Variants in ELMO1 observed in about 807,000 individuals in gnomAD.
ELMO1 encodes engulfment and cell motility protein 1.
In ELMO1, 26 loss-of-function variants were observed where a neutral mutation model predicts 98.9. The observed-to-expected ratio is 0.26, with a 90% CI of 0.19 to 0.36. The LOEUF (loss-of-function observed/expected upper bound fraction) is 0.36. ELMO1 is among the 10% of genes least tolerant of loss of function. The probability of loss-of-function intolerance (pLI) is 1.00; values close to 1 mark genes in which losing one functional copy is unlikely to be tolerated. For synonymous variants in ELMO1, 346 were observed against 346.0 expected (o/e 1.00, Z 0.00); for missense variants, 627 against 935.2 (o/e 0.67, Z 4.30).
intron 1 of ELMO1, among the ~76,000 whole-genome samples, chr7:37,427,494 A>T (rs1804757457): frequency 6.6e-6 from 1 of 152,204 alleles, no homozygotes; most frequent in Non-Finnish European, 1.5e-5. Flanking sequence ...AGATGCCACC[A>T]AAACCAACAC....
intron 16 of ELMO1, among the ~76,000 whole-genome samples, chr7:36,947,730 G>T (rs951052223): frequency 6.6e-6 from 1 of 152,042 alleles, no homozygotes; most frequent in Non-Finnish European, 1.5e-5. Context: ...CTCACCTGCT[G>T]CATTTCTTGC....
chr7:36,883,542 T>C (rs1465437726), intron 18 of ELMO1, among the ~76,000 whole-genome samples: 2 of 152,162 alleles, frequency 1.3e-5, no homozygotes, highest in Non-Finnish European at 1.5e-5. Flanking sequence ...CCCTTGGTAC[T>C]GTATAGTGAT....
At chr7:37,418,033 T>C (rs1269367997) in intron 1 of ELMO1, among the ~76,000 whole-genome samples, 1 of 152,120 alleles carries the variant, frequency 6.6e-6, no homozygotes, top group Non-Finnish European at 1.5e-5. Flanking sequence ...TGCTAGTTTC[T>C]AGAGCTGTGA....
intron 1 of ELMO1, among the ~76,000 whole-genome samples, chr7:37,433,740 C>A (rs1356842274): frequency 6.6e-6 from 1 of 152,126 alleles, no homozygotes; most frequent in African/African-American, 2.4e-5. Context: ...AAAACGAATT[C>A]TCCTGGTGTC....
chr7:37,128,904 A>G (rs187473068), intron 14 of ELMO1, among the ~76,000 whole-genome samples: 33 of 152,258 alleles, frequency 2.2e-4, no homozygotes, highest in Admixed American at 2.0e-3. Flanking sequence ...AATACATTTA[A>G]GGCTGTACAA....
chr7:36,996,221 T>C (rs912799431), intron 16 of ELMO1, among the ~76,000 whole-genome samples: 6 of 152,250 alleles, frequency 3.9e-5, no homozygotes, highest in African/African-American at 9.6e-5. Context: ...TCACTCTTTT[T>C]CCTGTCATAG....
chr7:37,297,969 T>C (rs1158466289), intron 4 of ELMO1, among the ~76,000 whole-genome samples: 2 of 152,182 alleles, frequency 1.3e-5, no homozygotes, highest in African/African-American at 4.8e-5. Context: ...TAGAATGCCA[T>C]TGGTTTTCTC....
chr7:36,976,397 C>T (rs1790552324), intron 16 of ELMO1, among the ~76,000 whole-genome samples: 2 of 152,310 alleles, frequency 1.3e-5, no homozygotes, highest in Middle Eastern at 3.4e-3. Context: ...AAAATACTTC[C>T]TGTGAACAGA....
intron 13 of ELMO1, among the ~76,000 whole-genome samples, chr7:37,166,038 G>T (rs11486843): frequency 6.6e-6 from 1 of 151,990 alleles, no homozygotes; most frequent in African/African-American, 2.4e-5. Flanking sequence ...TCTATTCAGA[G>T]ATTCAACTTC....
At chr7:37,228,853 G>T (rs558419786) in intron 8 of ELMO1, among the ~76,000 whole-genome samples, 1 of 152,040 alleles carries the variant, frequency 6.6e-6, no homozygotes, top group Non-Finnish European at 1.5e-5. Flanking sequence ...TTAGCCAGGC[G>T]TGGTGGTGGG....
At chr7:37,223,316 G>T (rs557493518) in intron 9 of ELMO1, among the ~76,000 whole-genome samples, 16 of 152,314 alleles carry the variant, frequency 1.1e-4, no homozygotes, top group African/African-American at 3.6e-4. Context: ...AACAAAGAGT[G>T]ACTTATGAGC....
chr7:37,306,534 A>T (rs760091455), intron 4 of ELMO1, among the ~76,000 whole-genome samples: 16 of 152,298 alleles, frequency 1.1e-4, no homozygotes, highest in Middle Eastern at 6.8e-3. Flanking sequence ...ATGCAGGAAT[A>T]GTGGAAAGAT....
At chr7:37,142,887 T>C (rs562666985) in intron 13 of ELMO1, among the ~76,000 whole-genome samples, 1 of 152,350 alleles carries the variant, frequency 6.6e-6, no homozygotes, top group East Asian at 1.9e-4. Flanking sequence ...GTGAAGCTGA[T>C]GGAGGAGAAG....
At chr7:37,372,116 C>T (rs1802139131) in intron 1 of ELMO1, among the ~76,000 whole-genome samples, 1 of 151,856 alleles carries the variant, frequency 6.6e-6, no homozygotes, top group Non-Finnish European at 1.5e-5. Context: ...AACATTGCCT[C>T]TGCTCAGTTT....
chr7:37,129,942 C>T (rs1786793744), intron 14 of ELMO1, among the ~76,000 whole-genome samples: 1 of 152,178 alleles, frequency 6.6e-6, no homozygotes. Context: ...ACTACTGTGG[C>T]TCCCTGAACA....
chr7:37,010,001 T>C (rs1793434279), intron 16 of ELMO1, among the ~76,000 whole-genome samples: 1 of 152,180 alleles, frequency 6.6e-6, no homozygotes, highest in Non-Finnish European at 1.5e-5. Flanking sequence ...CAGTGGCTGA[T>C]AGATGGGCAG....
chr7:37,123,820 C>T (rs1030332997), intron 14 of ELMO1, among the ~76,000 whole-genome samples: 1 of 152,142 alleles, frequency 6.6e-6, no homozygotes, highest in East Asian at 1.9e-4. Context: ...CAAAGCCTGG[C>T]AGAGACACAA....
chr7:37,350,354 G>A (rs1285319979), intron 1 of ELMO1, among the ~76,000 whole-genome samples: 2 of 152,270 alleles, frequency 1.3e-5, no homozygotes, highest in Non-Finnish European at 2.9e-5. Flanking sequence ...TATTAGCTAC[G>A]GTTGGCTTGC....
intron 8 of ELMO1, among the ~76,000 whole-genome samples, chr7:37,231,973 C>T (rs1794198115): frequency 6.6e-6 from 1 of 152,134 alleles, no homozygotes; most frequent in Non-Finnish European, 1.5e-5. Flanking sequence ...CTACCTCAAC[C>T]TCCCAAGTAG....
Sources: allele counts gnomAD v4.1 joint callset (sites outside exome capture counted in the v4.1 genomes callset), GRCh38; gene constraint gnomAD v4.1.1; transcripts MANE v1.5; gene names NCBI Gene and HGNC (gene_info 2026-07-23, HGNC 2026-07-21).